The following TONSL variants were observed in gnomAD, a reference collection of about 807,000 sequenced individuals.
TONSL encodes tonsoku like, DNA repair protein.
TONSL carries 112 observed loss-of-function variants against 147.1 expected under a neutral mutation model. The ratio of observed to expected loss-of-function variants is 0.76; its 90% CI spans 0.65 to 0.89. The LOEUF is 0.89. Ranked by LOEUF, TONSL falls within the 40% of genes least tolerant of loss-of-function variation. The probability of loss-of-function intolerance (pLI) is 0.00; values close to 1 mark genes in which losing one functional copy is unlikely to be tolerated. For synonymous variants in TONSL, 868 were observed against 801.5 expected (o/e 1.08, Z -1.40); for missense variants, 1,883 against 1,864.6 (o/e 1.01, Z -0.18).
chr8:144,435,380 C>T lies in TONSL; in HGVS notation c.2852+94G>A, dbSNP rs898083871. The T allele has an allele frequency of 7.0e-6, 9 of 1,280,758 alleles. No homozygotes were observed. The African/African-American group carries it at 1.1e-4, about 15-fold the overall frequency. 79.3% of individuals were successfully genotyped at this position (1,280,758 alleles called of 1,614,324 possible). A position where few individuals can be genotyped will look rare whatever the true frequency, so the allele number is the denominator to read the frequency against. The stretch of plus-strand genomic sequence containing the variant: ...GATCCTCCTGGAACACACCAGGGAG[C>T]CCTCGTCACACGCCCCACCCTGACA... On this transcript the variant is annotated intron_variant, in intron 18 of 25. Transcript: ENST00000409379.
At chr8:144,431,473 G>C (rs1823188721) in intron 23 of TONSL, among the ~76,000 whole-genome samples, 1 of 152,178 alleles carries the variant, frequency 6.6e-6, no homozygotes, top group Admixed American at 6.5e-5. Flanking sequence ...CACAGCCTGA[G>C]ACAGGCAGCT....
intron 4 of TONSL, 112 bp downstream of exon 4, chr8:144,443,026 C>G (rs1823778674): frequency 7.4e-7 from 1 of 1,351,674 alleles, no homozygotes; most frequent in Non-Finnish European, 1.0e-6. Context: ...AAGAGCCTTG[C>G]AAAGGGAGGG....
intron 24 of TONSL, 93 bp downstream of exon 24, chr8:144,430,985 G>A (rs147640468): frequency 5.1e-5 from 72 of 1,418,542 alleles, no homozygotes; most frequent in Non-Finnish European, 6.6e-5. Context: ...TGGGGAGGAG[G>A]AGCTGGTACC....
chr8:144,429,381 G>A, intron 25 of TONSL, 45 bp from the exon 26 acceptor site: 1 of 1,357,612 alleles, frequency 7.4e-7, no homozygotes, highest in Non-Finnish European at 9.5e-7. Flanking sequence ...GGGGGCCGGC[G>A]GCGTCCTGGT....
chr8:144,434,688 C>T, intron 20 of TONSL, 123 bp downstream of exon 20: 1 of 1,077,816 alleles, frequency 9.3e-7, no homozygotes, highest in Non-Finnish European at 1.3e-6. Flanking sequence ...ACAGCACCCA[C>T]CAGGCTGGGG....
chr8:144,434,753 G>A lies in TONSL; in HGVS notation c.3085+58C>T, dbSNP rs1052118619. 18 of 1,565,260 alleles carry A rather than the reference G, an allele frequency of 1.1e-5. No individual in the cohort carries two copies. The African/African-American group carries it at 2.3e-4, about 20-fold the overall frequency. On this transcript the variant is annotated intron_variant, in intron 20 of 25. Coordinates refer to ENST00000409379, the MANE Select transcript of TONSL (RefSeq NM_013432.5). ...GGAATGAACCGGGCTGGTGGAGCCT[G>A]TGTGCCCAACCCCCTTGTACGACCT...
intron 12 of TONSL, 43 bp from the exon 13 acceptor site, chr8:144,438,603 G>A (rs1040600486): frequency 3.1e-6 from 5 of 1,612,652 alleles, no homozygotes; most frequent in African/African-American, 2.7e-5. Context: ...GGCGTGAGGA[G>A]CTGGCAGGGC....
In TONSL at chr8:144,429,001, G is replaced by A. The variant is rs1281216901; in HGVS notation, c.*142C>T. On this transcript the variant is annotated 3_prime_UTR_variant, in exon 26 of 26. Coordinates refer to ENST00000409379, the MANE Select transcript of TONSL (RefSeq NM_013432.5). ...AGACGGGGTTTCACCATGTTAGCCA[G>A]GATGGTCTCGATCTCCTGACCTCGT... 5.3e-6 allele frequency: 5 copies of A among 951,622 alleles called. No individual in the cohort carries two copies. The highest frequency in any genetic ancestry group is 7.4e-6 in the Non-Finnish European group (5 of 677,538). 58.9% of individuals were successfully genotyped at this position (951,622 alleles called of 1,614,324 possible).
In TONSL at chr8:144,433,730, G is replaced by C; in HGVS notation, c.3417C>G (p.Asn1139Lys). ...ACTGGCCACAGCCGTCCCCCAGGGG[G>C]TTCATGCTTAAGTCCAGCTCCTCCA... ...QSLEELDLSM[N>K]PLGDGCGQSL... is the part of the protein sequence containing the mutation. Residue 1139 changes from asparagine to lysine, a missense_variant, in exon 22 of 26, where the codon AAC becomes AAG. Coordinates refer to ENST00000409379, the MANE Select transcript of TONSL (RefSeq NM_013432.5). 1 of 1,599,130 alleles carries C rather than the reference G, an allele frequency of 6.3e-7. No individual in the cohort carries two copies. Among genetic ancestry groups the C allele is most frequent in the Non-Finnish European group, 8.5e-7 (1 of 1,173,440 alleles).
In TONSL at chr8:144,429,323, C is replaced by A. The variant is rs1554878103; in HGVS notation, c.3957G>T (p.Gln1319His). The A allele has an allele frequency of 2.1e-6, 3 of 1,454,140 alleles. No homozygotes were observed. In the South Asian group the frequency reaches 4.0e-5, roughly 20 times the overall value. The allele number at this position is 1,454,140 out of a possible 1,614,324, so 90.1% of individuals were successfully genotyped here. The change falls in exon 26 of 26, where the codon CAG (glutamine) becomes CAT (histidine). Residue 1319 changes from glutamine to histidine, a missense_variant. Physicochemically the swap from Gln to His is conservative, Grantham distance 24 (BLOSUM62 0). Transcript: ENST00000409379. ...SFLGLSGCAV[Q>H]GPLGLGLWDK... is the part of the protein sequence containing the mutation. Reference sequence around the variant, plus strand: ...CCCACAGGCCCAGGCCCAGGGGACCCTGGACGGCGCAGCCTGCGGAGGGGA... The same window carrying A: ...CCCACAGGCCCAGGCCCAGGGGACCATGGACGGCGCAGCCTGCGGAGGGGA...
chr8:144,436,398 A>G lies in TONSL; in HGVS notation c.2035T>C (p.Phe679Leu). The change falls in exon 17 of 26, where the codon TTC becomes CTC. Residue 679 changes from phenylalanine to leucine, a missense_variant. Physicochemically the swap from Phe to Leu is conservative, Grantham distance 22. Coordinates refer to ENST00000409379, the MANE Select transcript of TONSL (RefSeq NM_013432.5). The stretch of plus-strand genomic sequence containing the variant: ...AACAGAAGGCTGCTTGGGGTGTGGA[A>G]GGCCTGGGAGCTGTGGGGATCTGTG... ...SGQDPHSSQA[F>L]HTPSSLLFDP... is the part of the protein sequence containing the mutation. 6.6e-7 allele frequency: 1 copy of G among 1,505,678 alleles called. No homozygotes were observed. Among genetic ancestry groups the G allele is most frequent in the South Asian group, 1.3e-5 (1 of 76,618 alleles). 93.3% of individuals were successfully genotyped at this position (1,505,678 alleles called of 1,614,324 possible). A position where few individuals can be genotyped will look rare whatever the true frequency, so the allele number is the denominator to read the frequency against.
At position 144,435,912 on chromosome 8, in the gene TONSL, G is replaced by C. The variant is rs774123052; in HGVS notation, c.2521C>G (p.Pro841Ala). The C allele has an allele frequency of 1.9e-6, 3 of 1,588,476 alleles. No individual in the cohort carries two copies. The highest frequency in any genetic ancestry group is 2.6e-6 in the Non-Finnish European group (3 of 1,164,664). The change falls in exon 17 of 26, where the codon CCC becomes GCC. Residue 841 changes from proline to alanine, a missense_variant. By Grantham distance (27) the Pro-to-Ala change is conservative (BLOSUM62 -1). Coordinates refer to ENST00000409379, the MANE Select transcript of TONSL (RefSeq NM_013432.5). ...LAGDWLELDM[P>A]LTRSRRPRPR... ...CGGGGCCGGCGGCTGCGGGTCAGGG[G>C]CATGTCCAGCTCCAGCCAGTCCCCG...
At position 144,434,096 on chromosome 8, in the gene TONSL, A is replaced by C. The variant is rs137933176; in HGVS notation, c.3269T>G (p.Leu1090Arg). 36 of 1,612,336 alleles carry C rather than the reference A, an allele frequency of 2.2e-5. No individual in the cohort carries two copies. Among genetic ancestry groups the C allele is most frequent in the Non-Finnish European group, 2.8e-5 (33 of 1,179,686 alleles). ...GGGCATGGTGCCCAGGGCAGCCACCAGCTCAGCCACACACTTGTCCCCCAG... is the reference window on the plus strand; with the variant it reads ...GGGCATGGTGCCCAGGGCAGCCACCCGCTCAGCCACACACTTGTCCCCCAG... ...NRLGDKCVAE[L>R]VAALGTMPSL... Residue 1090 changes from leucine (L) to arginine (R), a missense_variant, in exon 21 of 26, where the codon CTG becomes CGG. Transcript: ENST00000409379.
intron 3 of TONSL, 125 bp from the exon 4 acceptor site, chr8:144,443,446 G>C (rs1823794213): frequency 1.1e-6 from 1 of 939,218 alleles, no homozygotes; most frequent in Admixed American, 2.7e-5. Flanking sequence ...CCACAGAGCA[G>C]GCCAAGGCCA....
intron 14 of TONSL, 49 bp from the exon 15 acceptor site, chr8:144,436,969 G>C: frequency 6.2e-7 from 1 of 1,612,728 alleles, no homozygotes; most frequent in East Asian, 2.2e-5. Context: ...CGCCAGGACT[G>C]ACTCTTCGCC....
chr8:144,429,052 G>C lies in TONSL; in HGVS notation c.*91C>G. Reference sequence around the variant, plus strand: ...GATCCGCCCGCCTGGGCCTCCCAAAGTGTTGGGATTACAGGCGTGAGCCAC... The same window carrying C: ...GATCCGCCCGCCTGGGCCTCCCAAACTGTTGGGATTACAGGCGTGAGCCAC... On this transcript the variant is annotated 3_prime_UTR_variant, in exon 26 of 26. Coordinates refer to ENST00000409379, the MANE Select transcript of TONSL (RefSeq NM_013432.5). 1 of 1,364,196 alleles carries C rather than the reference G, an allele frequency of 7.3e-7. No individual in the cohort carries two copies. The highest frequency in any genetic ancestry group is 9.6e-7 in the Non-Finnish European group (1 of 1,039,948). The allele number at this position is 1,364,196 out of a possible 1,614,324, so 84.5% of individuals were successfully genotyped here. A position where few individuals can be genotyped will look rare whatever the true frequency, so the allele number is the denominator to read the frequency against.
At chr8:144,444,362 C>A in intron 1 of TONSL, 28 bp downstream of exon 1, 1 of 1,282,962 alleles carries the variant, frequency 7.8e-7, no homozygotes, top group South Asian at 2.6e-5. Flanking sequence ...TCCGCGCCCC[C>A]GGAGGAAGGG....
At chr8:144,435,311 G>A in intron 18 of TONSL, 141 bp from the exon 19 acceptor site, 1 of 1,271,690 alleles carries the variant, frequency 7.9e-7, no homozygotes, top group Non-Finnish European at 1.1e-6. Flanking sequence ...TCTCCCTGCA[G>A]CCCAGCACAC....
In TONSL at chr8:144,443,864, C is replaced by T. The variant is rs941855232; in HGVS notation, c.264+18G>A. On this transcript the variant is annotated intron_variant, in intron 3 of 25. Coordinates refer to ENST00000409379, the MANE Select transcript of TONSL (RefSeq NM_013432.5). ...AGAGGCCGACCGGGCTGGACGAGGC[C>T]AGTGAGGGCGCCCGCACCTGCAAGG... 1.3e-6 allele frequency: 2 copies of T among 1,543,700 alleles called. No homozygotes were observed. Among genetic ancestry groups the T allele is most frequent in the East Asian group, 2.4e-5 (1 of 40,892 alleles).
Sources: allele counts gnomAD v4.1 joint callset (sites outside exome capture counted in the v4.1 genomes callset), GRCh38; gene constraint gnomAD v4.1.1; transcripts MANE v1.5; gene names NCBI Gene and HGNC (gene_info 2026-07-23, HGNC 2026-07-21).